Variants in PPP2R2B observed in about 807,000 individuals in gnomAD.
PPP2R2B encodes serine/threonine-protein phosphatase 2A 55 kDa regulatory subunit B beta isoform.
In PPP2R2B, 5 loss-of-function variants were observed where a neutral mutation model predicts 46.0. That is an observed-to-expected ratio of 0.11 (90% confidence interval 0.06 to 0.23). The LOEUF (loss-of-function observed/expected upper bound fraction) is 0.23. Ranked by LOEUF, PPP2R2B falls within the 10% of genes least tolerant of loss-of-function variation. The pLI is 1.00. For missense variants in PPP2R2B, 367 were observed against 575.0 expected (o/e 0.64, Z 3.70); for synonymous variants, 215 against 206.7 (o/e 1.04, Z -0.34).
intron 1 of PPP2R2B, among the ~76,000 whole-genome samples, chr5:147,004,065 A>T (rs1754314834): frequency 6.6e-6 from 1 of 152,160 alleles, no homozygotes; most frequent in African/African-American, 2.4e-5. Context: ...AGGAAAAGCG[A>T]GATCGGAGAA....
chr5:146,730,701 T>C (rs571964017), intron 2 of PPP2R2B, among the ~76,000 whole-genome samples: 31 of 152,192 alleles, frequency 2.0e-4, no homozygotes, highest in Non-Finnish European at 3.5e-4. Flanking sequence ...GCCGCCACCA[T>C]GTAAGAAGTG....
intron 2 of PPP2R2B, among the ~76,000 whole-genome samples, chr5:146,714,798 C>G (rs1483128860): frequency 7.2e-6 from 1 of 138,896 alleles, no homozygotes; most frequent in Non-Finnish European, 1.5e-5. Flanking sequence ...TAAAAGACCT[C>G]TTGATTTTTT....
intron 2 of PPP2R2B, among the ~76,000 whole-genome samples, chr5:146,808,356 G>A (rs1757316846): frequency 6.6e-6 from 1 of 152,212 alleles, no homozygotes; most frequent in African/African-American, 2.4e-5. Flanking sequence ...GTCAGAGCAA[G>A]TTCTATTGCA....
chr5:146,678,035 A>G (rs745985264), intron 5 of PPP2R2B, among the ~76,000 whole-genome samples: 2 of 152,194 alleles, frequency 1.3e-5, no homozygotes, highest in African/African-American at 4.8e-5. Flanking sequence ...TGCTTCAAGA[A>G]GTCTCTAAAG....
At chr5:146,980,142 T>C (rs78275135) in intron 1 of PPP2R2B, among the ~76,000 whole-genome samples, 5,492 of 152,206 alleles carry the variant, frequency 0.036, 343 homozygotes, top group African/African-American at 0.12. Context: ...AAAAAGAAAT[T>C]CAGAACAGTA....
At chr5:146,672,182 G>A (rs1777415619) in intron 5 of PPP2R2B, among the ~76,000 whole-genome samples, 1 of 152,162 alleles carries the variant, frequency 6.6e-6, no homozygotes, top group Non-Finnish European at 1.5e-5. Context: ...ATCCAAGGAG[G>A]CAAGAGGAGA....
chr5:146,690,303 C>G (rs186184033), intron 5 of PPP2R2B, among the ~76,000 whole-genome samples: 2 of 152,326 alleles, frequency 1.3e-5, no homozygotes, highest in African/African-American at 4.8e-5. Flanking sequence ...AGACCCTTCC[C>G]TTAAAAGATC....
intron 8 of PPP2R2B, among the ~76,000 whole-genome samples, chr5:146,595,142 G>A (rs937601077): frequency 2.0e-4 from 31 of 152,176 alleles, no homozygotes; most frequent in African/African-American, 7.5e-4. Context: ...CCTTGTCAGG[G>A]TAACAGCTTC....
chr5:146,949,300 T>A (rs963634079), intron 1 of PPP2R2B, among the ~76,000 whole-genome samples: 1 of 151,880 alleles, frequency 6.6e-6, no homozygotes, highest in African/African-American at 2.4e-5. Context: ...AACAACTCAA[T>A]GGGAAAAAAA....
intron 1 of PPP2R2B, among the ~76,000 whole-genome samples, chr5:146,888,262 C>A (rs1358523259): frequency 6.6e-6 from 1 of 152,166 alleles, no homozygotes; most frequent in African/African-American, 2.4e-5. Flanking sequence ...AGCAGCCAAG[C>A]TGATATTTCA....
chr5:146,871,685 A>T (rs1300716854), intron 2 of PPP2R2B, among the ~76,000 whole-genome samples: 1 of 152,186 alleles, frequency 6.6e-6, no homozygotes, highest in Non-Finnish European at 1.5e-5. Context: ...AATGGGATAT[A>T]TGTGGAGGGT....
At chr5:146,982,479 A>G (rs1346648671) in intron 1 of PPP2R2B, among the ~76,000 whole-genome samples, 1 of 152,188 alleles carries the variant, frequency 6.6e-6, no homozygotes, top group African/African-American at 2.4e-5. Context: ...TCTAGGTCCC[A>G]CAGGCACTTG....
At chr5:146,853,042 A>T (rs1461291751) in intron 2 of PPP2R2B, among the ~76,000 whole-genome samples, 1 of 152,140 alleles carries the variant, frequency 6.6e-6, no homozygotes, top group East Asian at 1.9e-4. Context: ...TGATTAACAG[A>T]GATTAAAGAT....
intron 2 of PPP2R2B, among the ~76,000 whole-genome samples, chr5:147,078,928 A>G (rs1038728379): frequency 2.6e-5 from 4 of 152,090 alleles, no homozygotes; most frequent in Admixed American, 2.6e-4. Context: ...CATGGCCAAG[A>G]TTTAAAACAA....
intron 1 of PPP2R2B, among the ~76,000 whole-genome samples, chr5:147,017,772 A>G (rs1250527741): frequency 6.6e-6 from 1 of 152,128 alleles, no homozygotes; most frequent in Non-Finnish European, 1.5e-5. Flanking sequence ...AGTGAGAAGG[A>G]AAACAAGACA....
rs1187378076 is a variant in PPP2R2B, at chr5:146,587,172, A to AC, written c.*2774dup. On this transcript the variant is annotated 3_prime_UTR_variant, in exon 10 of 10. Transcript: ENST00000394411. Reference sequence around the variant, plus strand: ...GAAAACAGACTGACTTCTATGTGCCACTAACTAAGAAATATTGCCAGTACT... The same window carrying AC: ...GAAAACAGACTGACTTCTATGTGCCACCTAACTAAGAAATATTGCCAGTACT... 6.6e-6 allele frequency: 1 copy of AC among 152,238 alleles called. No individual in the cohort carries two copies. The highest frequency in any genetic ancestry group is 6.5e-5 in the Admixed American group (1 of 15,286). 9.4% of individuals were successfully genotyped at this position (152,238 alleles called of 1,614,324 possible).
intron 2 of PPP2R2B, among the ~76,000 whole-genome samples, chr5:146,752,581 C>T (rs1753621392): frequency 6.6e-6 from 1 of 152,140 alleles, no homozygotes; most frequent in African/African-American, 2.4e-5. Flanking sequence ...AATTCAGTGC[C>T]TGGATCTTGA....
At chr5:146,945,264 T>C (rs1264431649) in intron 1 of PPP2R2B, among the ~76,000 whole-genome samples, 1 of 152,180 alleles carries the variant, frequency 6.6e-6, no homozygotes, top group African/African-American at 2.4e-5. Context: ...GGTTCCTTCC[T>C]CAAAATTTAA....
chr5:146,793,155 G>A (rs1756316289), intron 2 of PPP2R2B, among the ~76,000 whole-genome samples: 1 of 152,210 alleles, frequency 6.6e-6, no homozygotes, highest in Non-Finnish European at 1.5e-5. Flanking sequence ...CATGTGGAGT[G>A]TGAATAAAGA....
Sources: allele counts gnomAD v4.1 joint callset (sites outside exome capture counted in the v4.1 genomes callset), GRCh38; gene constraint gnomAD v4.1.1; transcripts MANE v1.5; gene names NCBI Gene and HGNC (gene_info 2026-07-23, HGNC 2026-07-21).